PRKN: variants seen among roughly 807,000 people sequenced by gnomAD.
PRKN encodes parkin RBR E3 ubiquitin protein ligase.
Under a neutral mutation model 59.5 loss-of-function variants are expected in PRKN, and 56 were observed. That is an observed-to-expected ratio of 0.94 (90% CI 0.76 to 1.18). The LOEUF is 1.18. Ranked by LOEUF, PRKN falls within the 50% of genes most tolerant of loss-of-function variation. PRKN has a pLI of 0.00. For missense variants in PRKN, 657 were observed against 596.4 expected (o/e 1.10, Z -1.06); for synonymous variants, 250 against 222.1 (o/e 1.13, Z -1.12).
At chr6:162,496,375 G>C (rs540989768) in intron 1 of PRKN, among the ~76,000 whole-genome samples, 9 of 152,140 alleles carry the variant, frequency 5.9e-5, no homozygotes, top group Non-Finnish European at 8.8e-5. Flanking sequence ...ATAGGAGCAG[G>C]TATTTTGTGA....
intron 1 of PRKN, among the ~76,000 whole-genome samples, chr6:162,587,782 C>T (rs1408369571): frequency 6.6e-6 from 1 of 151,878 alleles, no homozygotes; most frequent in Non-Finnish European, 1.5e-5. Flanking sequence ...AATGACTTTC[C>T]TCATAAAGAA....
intron 6 of PRKN, among the ~76,000 whole-genome samples, chr6:161,898,179 C>T (rs1303710594): frequency 1.3e-5 from 2 of 151,250 alleles, no homozygotes; most frequent in Non-Finnish European, 2.9e-5. Flanking sequence ...GCCAATTTTC[C>T]AGTTAAAACG....
rs1786501862 is a variant in PRKN, at chr6:161,391,463, G to A, written c.1084-4586C>T. Among the ~76,000 whole-genome samples, 1 of 143,926 alleles carries A rather than the reference G, an allele frequency of 6.9e-6. No individual in the cohort carries two copies. Among genetic ancestry groups the A allele is most frequent in the African/African-American group, 2.5e-5 (1 of 39,736 alleles). The allele number at this position is 143,926 out of a possible 152,430, so 94.4% of individuals were successfully genotyped here. ...TTTTTTTTTTCGAGAAATTTTAAAT[G>A]TCTTTAAACAATCATAAAATAATAC... On this transcript the variant is annotated intron_variant, in intron 9 of 11. Transcript: ENST00000366898. This position sits in a 1 kb window ranked among gnomAD's most constrained non-coding sequence, Gnocchi z 4.9.
chr6:162,112,791 A>G (rs1478782084), intron 4 of PRKN, among the ~76,000 whole-genome samples: 2 of 151,978 alleles, frequency 1.3e-5, no homozygotes, highest in Non-Finnish European at 2.9e-5. Context: ...TTAAAAAAAA[A>G]AAAGCTGAGT....
intron 6 of PRKN, among the ~76,000 whole-genome samples, chr6:161,966,954 C>T (rs1352505946): frequency 6.6e-6 from 1 of 152,182 alleles, no homozygotes; most frequent in Non-Finnish European, 1.5e-5. Context: ...GCCTCAGCCT[C>T]CCAAGTAGGT....
At chr6:161,913,322 A>C (rs2082282751) in intron 6 of PRKN, among the ~76,000 whole-genome samples, 1 of 152,200 alleles carries the variant, frequency 6.6e-6, no homozygotes, top group African/African-American at 2.4e-5. Context: ...AATATGAAAA[A>C]AGAGCTTATG....
intron 6 of PRKN, among the ~76,000 whole-genome samples, chr6:161,960,982 T>C (rs1583408315): frequency 6.6e-6 from 1 of 152,206 alleles, no homozygotes; most frequent in African/African-American, 2.4e-5. Flanking sequence ...CCAGTGGCTG[T>C]GGCACTGTAA....
intron 2 of PRKN, among the ~76,000 whole-genome samples, chr6:162,315,132 C>T (rs1302402156): frequency 6.6e-6 from 1 of 152,062 alleles, no homozygotes; most frequent in Non-Finnish European, 1.5e-5. Flanking sequence ...TATGCCTCTC[C>T]TTCCTTAAAA....
At chr6:162,062,925 T>G (rs368273617) in intron 4 of PRKN, among the ~76,000 whole-genome samples, 1 of 152,092 alleles carries the variant, frequency 6.6e-6, no homozygotes, top group Non-Finnish European at 1.5e-5. Flanking sequence ...AGGAAAACAA[T>G]GAACTGAGCA....
intron 3 of PRKN, among the ~76,000 whole-genome samples, chr6:162,237,101 G>A (rs1332173755): frequency 6.6e-6 from 1 of 151,996 alleles, no homozygotes; most frequent in Non-Finnish European, 1.5e-5. Context: ...ACTAAATTGA[G>A]ATTTATTTTT....
intron 7 of PRKN, among the ~76,000 whole-genome samples, 200 bp downstream of exon 7, chr6:161,785,572 A>G (rs1790379030): frequency 6.6e-6 from 1 of 152,190 alleles, no homozygotes; most frequent in Admixed American, 6.5e-5. Context: ...CAAATAATGC[A>G]TTTTCCAGTT....
intron 4 of PRKN, among the ~76,000 whole-genome samples, chr6:162,070,676 G>T (rs78752098): frequency 7.2e-5 from 11 of 152,220 alleles, no homozygotes; most frequent in Non-Finnish European, 1.5e-4. Context: ...GGATAAAACT[G>T]TTCCACCTCA....
intron 1 of PRKN, among the ~76,000 whole-genome samples, chr6:162,506,251 C>CAAAAAAAAAAAA (rs10528135): frequency 1.0e-5 from 1 of 95,352 alleles, no homozygotes; most frequent in Non-Finnish European, 2.0e-5. Context: ...AAAGAGGAAG[C>CAAAAAAAAAAAA]AAAAAAAAAA....
chr6:162,209,483 G>A (rs1040759858), intron 3 of PRKN, among the ~76,000 whole-genome samples: 2 of 152,180 alleles, frequency 1.3e-5, no homozygotes, highest in South Asian at 2.1e-4. Flanking sequence ...TGGAGAAACA[G>A]GAACGCTTTT....
intron 2 of PRKN, among the ~76,000 whole-genome samples, chr6:162,352,539 A>T (rs1256245208): frequency 6.6e-6 from 1 of 152,172 alleles, no homozygotes; most frequent in Non-Finnish European, 1.5e-5. Flanking sequence ...CATCTTGATT[A>T]TGAAAAACTC....
chr6:162,403,787 G>A (rs1356919877), intron 2 of PRKN, among the ~76,000 whole-genome samples: 2 of 152,170 alleles, frequency 1.3e-5, no homozygotes, highest in Non-Finnish European at 2.9e-5. Flanking sequence ...GTAATTACAT[G>A]GGCGGGGAAA....
chr6:162,404,079 T>C (rs1299595863), intron 2 of PRKN, among the ~76,000 whole-genome samples: 1 of 152,070 alleles, frequency 6.6e-6, no homozygotes, highest in Admixed American at 6.5e-5. Flanking sequence ...AGTTTAGAAA[T>C]AATCCTTTTT....
Position 161,475,686 on chromosome 6 carries a change from G to A in PRKN, c.1083+73168C>T, listed in dbSNP as rs1728857745. On this transcript the variant is annotated intron_variant, in intron 9 of 11. Transcript: ENST00000366898. This position sits in a 1 kb window ranked among gnomAD's most constrained non-coding sequence, Gnocchi z 5.3. ...GACAGGGTTTTGCCATGTTGCCGAG[G>A]CTGGTCTTGAACTCCTGAGCTCAAG... 6.6e-6 allele frequency among the ~76,000 whole-genome samples: 1 copy of A among 151,926 alleles called. No individual in the cohort carries two copies. Among genetic ancestry groups the A allele is most frequent in the Admixed American group, 6.6e-5 (1 of 15,234 alleles).
At chr6:162,696,255 C>T (rs1222039273) in intron 1 of PRKN, among the ~76,000 whole-genome samples, 2 of 152,102 alleles carry the variant, frequency 1.3e-5, no homozygotes, top group South Asian at 2.1e-4. Context: ...CACTAAAATC[C>T]GTTTTTGAGA....
Sources: allele counts gnomAD v4.1 joint callset (sites outside exome capture counted in the v4.1 genomes callset), GRCh38; gene constraint gnomAD v4.1.1; non-coding constraint Gnocchi (gnomAD v3.1); transcripts MANE v1.5; gene names NCBI Gene and HGNC (gene_info 2026-07-23, HGNC 2026-07-21).